The following CNTLN variants were observed in gnomAD, a reference collection of about 807,000 sequenced individuals.
CNTLN encodes the protein centlein, also known as centlein, centrosomal protein.
Under a neutral mutation model 180.0 loss-of-function variants are expected in CNTLN, and 212 were observed. That is an observed-to-expected ratio of 1.18 (90% CI 1.05 to 1.32). CNTLN has a LOEUF of 1.32. CNTLN is among the 40% of genes most tolerant of loss of function. The pLI, the probability that CNTLN is intolerant of heterozygous loss-of-function variation, is 0.00. For missense variants in CNTLN, 2,095 were observed against 1,610.9 expected, an observed-to-expected ratio of 1.30 and a Z score of -5.14; for synonymous variants, 722 against 563.1, an observed-to-expected ratio of 1.28 and a Z score of -3.99.
intron 18 of CNTLN, among the ~76,000 whole-genome samples, chr9:17,429,704 G>C (rs902216300): frequency 1.3e-5 from 2 of 151,860 alleles, no homozygotes; most frequent in Non-Finnish European, 2.9e-5. Flanking sequence ...GTTAGTAAAT[G>C]GGAAGTCAAA....
At position 17,188,620 on chromosome 9, in the gene CNTLN, G is replaced by A. The variant is rs183181099; in HGVS notation, c.450-37583G>A. 5.1e-3 allele frequency among the ~76,000 whole-genome samples: 775 copies of A among 152,122 alleles called. 5 individuals carry two copies. Among genetic ancestry groups the A allele is most frequent in the Admixed American group, 8.0e-3 (122 of 15,282 alleles). On this transcript the variant is annotated intron_variant, in intron 2 of 25. Coordinates refer to ENST00000380647, the MANE Select transcript of CNTLN (RefSeq NM_017738.4). ...GAAGCAAATAATTCAACTCTATTTC[G>A]AATAATTTTTATTCAGTGGTTTCAA...
Position 17,143,314 on chromosome 9 carries a change from G to A in CNTLN, c.387G>A (p.Leu129=). The change falls in exon 2 of 26, where the codon TTG becomes TTA. Residue 129 remains leucine (L), a synonymous_variant. Coordinates refer to ENST00000380647, the MANE Select transcript of CNTLN (RefSeq NM_017738.4). Reference sequence around the variant, plus strand: ...CTGATAAAGAATTTGTATGGTCTTTGTGGAAACGTCTCCAGGTTACAAACC... The same window carrying A: ...CTGATAAAGAATTTGTATGGTCTTTATGGAAACGTCTCCAGGTTACAAACC... The part of the protein sequence containing the change: ...CQADKEFVWS[L]WKRLQVTNPD... The A allele has an allele frequency of 1.2e-6, 2 of 1,613,420 alleles. No homozygotes were observed. The highest frequency in any genetic ancestry group is 2.2e-5 in the East Asian group (1 of 44,816).
rs76781272 is a variant in CNTLN at position 17,308,127 on chromosome 9, A to T, written c.1147-931A>T. On this transcript the variant is annotated intron_variant, in intron 7 of 25. Coordinates refer to ENST00000380647, the MANE Select transcript of CNTLN (RefSeq NM_017738.4). Reference sequence around the variant, plus strand: ...TTATATCTCATTAAATCACAATTATACATTAGGATCAAGTTCACAAGTTCT... The same window carrying T: ...TTATATCTCATTAAATCACAATTATTCATTAGGATCAAGTTCACAAGTTCT... Among the ~76,000 whole-genome samples the T allele has an allele frequency of 5.7e-3, 869 of 152,198 alleles. 10 individuals carry two copies. The highest frequency in any genetic ancestry group is 0.02 in the African/African-American group (834 of 41,524).
At position 17,197,203 on chromosome 9, in the gene CNTLN, G is replaced by A. The variant is rs377402242; in HGVS notation, c.450-29000G>A. On this transcript the variant is annotated intron_variant, in intron 2 of 25. Transcript: ENST00000380647. ...GTTCAGTCAGTATATGGAAAATGGG[G>A]TATTTATAGTTATTTTCATATATTG... is the stretch of plus-strand genomic sequence containing the variant. Among the ~76,000 whole-genome samples, 27 of 152,260 alleles carry A rather than the reference G, an allele frequency of 1.8e-4. 1 individual carries two copies. The South Asian group carries it at 5.4e-3, about 30-fold the overall frequency.
chr9:17,482,718 T>A (rs1832713685), intron 23 of CNTLN, among the ~76,000 whole-genome samples: 1 of 152,142 alleles, frequency 6.6e-6, no homozygotes. Flanking sequence ...GCCTCATTAG[T>A]TAAAATATAC....
chr9:17,292,825 C>T (rs1200116173), intron 6 of CNTLN, among the ~76,000 whole-genome samples: 1 of 148,296 alleles, frequency 6.7e-6, no homozygotes, highest in Non-Finnish European at 1.5e-5. Flanking sequence ...TCCACCTCCG[C>T]CCAGTTCTGT....
chr9:17,217,468 G>A (rs1823837698), intron 2 of CNTLN, among the ~76,000 whole-genome samples: 1 of 152,228 alleles, frequency 6.6e-6, no homozygotes, highest in Non-Finnish European at 1.5e-5. Flanking sequence ...TTCAGCTGGT[G>A]TTGTACCAAC....
At chr9:17,481,890 C>A (rs1168372492) in intron 23 of CNTLN, among the ~76,000 whole-genome samples, 2 of 152,200 alleles carry the variant, frequency 1.3e-5, no homozygotes, top group African/African-American at 4.8e-5. Context: ...TGCCTGCCTA[C>A]CCATGGATGT....
intron 2 of CNTLN, among the ~76,000 whole-genome samples, chr9:17,194,018 C>T (rs1563867292): frequency 1.3e-5 from 2 of 152,192 alleles, no homozygotes; most frequent in Admixed American, 1.3e-4. Context: ...TACGTTGACT[C>T]CTTTCAGTCA....
intron 12 of CNTLN, among the ~76,000 whole-genome samples, chr9:17,356,841 A>G (rs998148887): frequency 2.0e-5 from 3 of 152,026 alleles, no homozygotes; most frequent in Non-Finnish European, 2.9e-5. Flanking sequence ...ATGCGTTTCC[A>G]TTTTTATGTT....
chr9:17,472,530 C>A (rs1272275873), intron 23 of CNTLN, among the ~76,000 whole-genome samples: 1 of 152,010 alleles, frequency 6.6e-6, no homozygotes, highest in African/African-American at 2.4e-5. Context: ...ATGATTATTC[C>A]CATCATCATA....
In CNTLN at chr9:17,464,636, A is replaced by G. The variant is rs748828052; in HGVS notation, c.3531+13A>G. The G allele has an allele frequency of 5.0e-6, 7 of 1,397,826 alleles. 1 individual carries two copies. Among genetic ancestry groups the G allele is most frequent in the South Asian group, 1.4e-5 (1 of 71,314 alleles). 86.6% of individuals were successfully genotyped at this position (1,397,826 alleles called of 1,614,324 possible). A position where few individuals can be genotyped will look rare whatever the true frequency, so the allele number is the denominator to read the frequency against. On this transcript the variant is annotated intron_variant, in intron 21 of 25. Transcript: ENST00000380647. ...TCTTGATAAAAAGGTATCAATTTTT[A>G]TCTTTACTGACACTAAAAATATCAC... is the stretch of plus-strand genomic sequence containing the variant.
At chr9:17,270,807 TTTC>T (rs1397752295) in intron 5 of CNTLN, among the ~76,000 whole-genome samples, 1 of 152,102 alleles carries the variant, frequency 6.6e-6, no homozygotes, top group African/African-American at 2.4e-5. Context: ...TTTTCTATTT[TTTC>T]TTTTTTTGAA....
chr9:17,340,171 A>G (rs1010788442), intron 10 of CNTLN, among the ~76,000 whole-genome samples: 1 of 152,104 alleles, frequency 6.6e-6, no homozygotes, highest in Non-Finnish European at 1.5e-5. Flanking sequence ...AATAAAAAAG[A>G]AGTAGTTGAC....
rs1032258624 is a variant in CNTLN, at chr9:17,135,144, C to T, written c.79C>T (p.Arg27Trp). 2.5e-6 allele frequency: 4 copies of T among 1,607,866 alleles called. No individual in the cohort carries two copies. In the African/African-American group the frequency reaches 4.0e-5, roughly 16 times the overall value. Residue 27 changes from arginine (R) to tryptophan (W), a missense_variant, in exon 1 of 26, where the codon CGG becomes TGG. Physicochemically the swap from Arg to Trp is moderately radical, Grantham distance 101. Coordinates refer to ENST00000380647, the MANE Select transcript of CNTLN (RefSeq NM_017738.4). ...QLGPRSPRVG[R>W]GAEVHAMRSE... ...GGGCCCCAGGTCCCCACGTGTTGGG[C>T]GGGGAGCTGAAGTACACGCAATGCG...
At chr9:17,372,575 C>G (rs984117673) in intron 13 of CNTLN, among the ~76,000 whole-genome samples, 8 of 152,244 alleles carry the variant, frequency 5.3e-5, no homozygotes, top group South Asian at 4.1e-4. Flanking sequence ...CAATCCTACT[C>G]AAGCTATTCC....
At chr9:17,298,148 C>G in intron 6 of CNTLN, 42 bp from the exon 7 acceptor site, 1 of 1,376,660 alleles carries the variant, frequency 7.3e-7, no homozygotes, top group Non-Finnish European at 9.5e-7. Context: ...CTGAGATGAT[C>G]TTTATCCATA....
intron 19 of CNTLN, among the ~76,000 whole-genome samples, chr9:17,458,799 T>C (rs1309244302): frequency 6.6e-6 from 1 of 151,900 alleles, no homozygotes; most frequent in African/African-American, 2.4e-5. Flanking sequence ...ATAACTTGGG[T>C]CAGTCACAAC....
At chr9:17,330,932 T>C (rs1394353469) in intron 9 of CNTLN, 124 bp downstream of exon 9, 17 of 825,430 alleles carry the variant, frequency 2.1e-5, no homozygotes, top group Middle Eastern at 4.8e-4. Context: ...TTGAAAAATA[T>C]TATGTACCGA....
Sources: allele counts gnomAD v4.1 joint callset (sites outside exome capture counted in the v4.1 genomes callset), GRCh38; gene constraint gnomAD v4.1.1; transcripts MANE v1.5; gene names NCBI Gene and HGNC (gene_info 2026-07-23, HGNC 2026-07-21).